Variants in KLHL1 observed in about 807,000 individuals in gnomAD.
KLHL1 encodes the protein kelch like family member 1.
A neutral mutation model predicts 77.7 loss-of-function variants in KLHL1; 47 were observed. The ratio of observed to expected loss-of-function variants is 0.60; its 90% CI spans 0.48 to 0.77. KLHL1 has a LOEUF of 0.77. Ranked by LOEUF, KLHL1 falls within the 30% of genes least tolerant of loss-of-function variation. KLHL1 has a pLI of 0.00. For synonymous variants in KLHL1, 360 were observed against 325.2 expected (o/e 1.11, Z -1.15); for missense variants, 925 against 910.8 (o/e 1.02, Z -0.20).
chr13:69,719,217 A>AGAGC (rs767756949), intron 9 of KLHL1, 152 bp downstream of exon 9: 30,862 of 343,698 alleles, frequency 0.09, 617 homozygotes, highest in Middle Eastern at 0.12. Context: ...TGTGAGAGAG[A>AGAGC]GAGAGAGAGA....
intron 8 of KLHL1, among the ~76,000 whole-genome samples, chr13:69,740,098 T>C (rs9599501): frequency 0.11 from 16,701 of 152,206 alleles, 1,022 homozygotes; most frequent in African/African-American, 0.14. Flanking sequence ...GAAAGATATA[T>C]TGAACACCAA....
chr13:69,755,290 G>T (rs2137955372), intron 7 of KLHL1, among the ~76,000 whole-genome samples: 1 of 151,944 alleles, frequency 6.6e-6, no homozygotes, highest in South Asian at 2.1e-4. Context: ...TGAAGGAAAA[G>T]AGGAAGCTGG....
chr13:69,768,473 G>A (rs1194596857), intron 7 of KLHL1, among the ~76,000 whole-genome samples: 2 of 152,012 alleles, frequency 1.3e-5, no homozygotes, highest in African/African-American at 2.4e-5. Context: ...GGAAACTTAA[G>A]CCTAGAATAC....
intron 6 of KLHL1, among the ~76,000 whole-genome samples, chr13:69,811,680 C>A (rs546254856): frequency 1.3e-5 from 2 of 152,162 alleles, no homozygotes; most frequent in East Asian, 3.9e-4. Context: ...AAAAAAAAGT[C>A]ATGTTATCTC....
intron 4 of KLHL1, among the ~76,000 whole-genome samples, chr13:69,928,019 T>G (rs1456241534): frequency 6.6e-6 from 1 of 152,224 alleles, no homozygotes; most frequent in Non-Finnish European, 1.5e-5. Context: ...AGGCTACAGT[T>G]TGGGCCATGT....
intron 4 of KLHL1, among the ~76,000 whole-genome samples, chr13:69,911,387 C>G (rs1229812449): frequency 6.6e-6 from 1 of 151,634 alleles, no homozygotes; most frequent in Non-Finnish European, 1.5e-5. Flanking sequence ...AAATTTTGAC[C>G]CTCTGGCTCT....
chr13:69,830,155 C>A (rs146738833), intron 6 of KLHL1, among the ~76,000 whole-genome samples: 1 of 149,916 alleles, frequency 6.7e-6, no homozygotes, highest in South Asian at 2.1e-4. Context: ...ATAAAAAATA[C>A]GGAATGGATA....
intron 6 of KLHL1, among the ~76,000 whole-genome samples, chr13:69,833,488 C>T (rs1046194601): frequency 7.3e-5 from 11 of 151,590 alleles, no homozygotes; most frequent in Non-Finnish European, 1.3e-4. Context: ...AAAAAGGGAA[C>T]ACTTTTACAC....
At chr13:69,924,753 C>T (rs2138270360) in intron 4 of KLHL1, among the ~76,000 whole-genome samples, 1 of 152,260 alleles carries the variant, frequency 6.6e-6, no homozygotes, top group East Asian at 1.9e-4. Flanking sequence ...CTTTAGGGAG[C>T]CCAGACCTAA....
At chr13:69,798,249 T>C (rs1015578328) in intron 6 of KLHL1, among the ~76,000 whole-genome samples, 5 of 152,190 alleles carry the variant, frequency 3.3e-5, no homozygotes, top group Admixed American at 6.5e-5. Flanking sequence ...TGATGATCTA[T>C]TTTACCTGTA....
chr13:70,024,759 T>TG (rs1885900104), intron 1 of KLHL1, among the ~76,000 whole-genome samples: 1 of 151,522 alleles, frequency 6.6e-6, no homozygotes, highest in Non-Finnish European at 1.5e-5. Context: ...ACAGCACAAA[T>TG]GCATTGTTAT....
Position 69,797,117 on chromosome 13 carries a change from A to G in KLHL1, c.1415-155T>C, listed in dbSNP as rs1877145057. 2.6e-5 allele frequency among the ~76,000 whole-genome samples: 4 copies of G among 152,250 alleles called. No individual in the cohort carries two copies. The South Asian group carries it at 8.3e-4, about 31-fold the overall frequency. The stretch of plus-strand genomic sequence containing the variant: ...GAAAAACAAAAGGAGTAGTAATTCA[A>G]CTACTTTATTTTCTCTTCTTGGCAG... On this transcript the variant is annotated intron_variant, in intron 6 of 10. Transcript: ENST00000377844.
intron 4 of KLHL1, among the ~76,000 whole-genome samples, chr13:69,928,736 G>C (rs918904109): frequency 1.3e-5 from 2 of 152,048 alleles, no homozygotes; most frequent in Non-Finnish European, 2.9e-5. Context: ...TATCTATATA[G>C]ATGAAGGTAG....
chr13:69,924,210 A>G (rs1209549171), intron 4 of KLHL1, among the ~76,000 whole-genome samples: 1 of 152,188 alleles, frequency 6.6e-6, no homozygotes, highest in Admixed American at 6.5e-5. Context: ...CAGAAAGCAG[A>G]CAGGCTTTTG....
intron 9 of KLHL1, among the ~76,000 whole-genome samples, chr13:69,714,638 G>C (rs933605068): frequency 8.6e-5 from 13 of 151,510 alleles, no homozygotes; most frequent in Non-Finnish European, 1.6e-4. Flanking sequence ...CTGTTGCCCA[G>C]GCTGGAGTGC....
intron 7 of KLHL1, among the ~76,000 whole-genome samples, chr13:69,787,576 G>T (rs1260546701): frequency 6.6e-6 from 1 of 152,030 alleles, no homozygotes; most frequent in Admixed American, 6.6e-5. Context: ...AACCTAGGCA[G>T]TACCATTCAG....
intron 7 of KLHL1, among the ~76,000 whole-genome samples, chr13:69,745,267 C>T (rs1874158858): frequency 1.3e-5 from 2 of 151,194 alleles, no homozygotes; most frequent in South Asian, 2.1e-4. Context: ...TTTGTGAAGG[C>T]CTGTTAAAAA....
At chr13:70,052,454 T>C (rs904630008) in intron 1 of KLHL1, among the ~76,000 whole-genome samples, 1 of 151,558 alleles carries the variant, frequency 6.6e-6, no homozygotes, top group African/African-American at 2.4e-5. Flanking sequence ...ACAAGAAAAT[T>C]AAAAAAAACC....
At chr13:70,021,918 AAGTAGTTTATCCC>A (rs1885808998) in intron 1 of KLHL1, among the ~76,000 whole-genome samples, 1 of 151,942 alleles carries the variant, frequency 6.6e-6, no homozygotes, top group Non-Finnish European at 1.5e-5. Context: ...TGTCTTTGGC[AAGTAGTTTATCCC>A]AGTCTGTGGC....
Sources: gnomAD v4.1 joint callset for allele counts (sites outside exome capture counted in the v4.1 genomes callset) on GRCh38, gnomAD v4.1.1 for gene constraint, MANE v1.5 for transcripts, NCBI Gene and HGNC (gene_info 2026-07-23, HGNC 2026-07-21) for gene names.